The following CUL7 variants were observed in gnomAD, a reference collection of about 807,000 sequenced individuals.
CUL7 encodes the protein cullin-7.
In CUL7, 96 loss-of-function variants were observed where a neutral mutation model predicts 177.7. The observed-to-expected ratio is 0.54, with a 90% confidence interval of 0.46 to 0.64. The LOEUF is 0.64. Among genes scored for constraint, CUL7 ranks in the 30% least tolerant of loss-of-function variants. CUL7 has a pLI of 0.00. For synonymous variants in CUL7, 824 were observed against 890.2 expected, an observed-to-expected ratio of 0.93 and a Z score of 1.32; for missense variants, 1,893 against 2,187.9, an observed-to-expected ratio of 0.87 and a Z score of 2.69.
Position 43,040,813 on chromosome 6 carries a change from A to C in CUL7, c.3807-67T>G. ...CAGTGTGGCCCAGCCTCCCACTCCA[A>C]GGCTCCAGCCTGCCTCTATCCCAGA... On this transcript the variant is annotated intron_variant, in intron 20 of 25. Coordinates refer to ENST00000265348, the MANE Select transcript of CUL7 (RefSeq NM_014780.5). This position sits in a 1 kb window ranked among gnomAD's most constrained non-coding sequence, Gnocchi z 4.2. 1 of 1,604,144 alleles carries C rather than the reference A, an allele frequency of 6.2e-7. No homozygotes were observed. The highest frequency in any genetic ancestry group is 8.5e-7 in the Non-Finnish European group (1 of 1,171,784).
Position 43,053,717 on chromosome 6 carries a change from C to A in CUL7, c.-104G>T, listed in dbSNP as rs1279683400. 2.8e-6 allele frequency: 4 copies of A among 1,445,890 alleles called. No homozygotes were observed. In the South Asian group the frequency reaches 4.1e-5, roughly 15 times the overall value. The allele number at this position is 1,445,890 out of a possible 1,614,324, so 89.6% of individuals were successfully genotyped here. A position where few individuals can be genotyped will look rare whatever the true frequency, so the allele number is the denominator to read the frequency against. ...GCGGCGACTTGGGCCCCACCTGGGC[C>A]CCGCGAGGGGGTCGAGACGGAGAGA... On this transcript the variant is annotated 5_prime_UTR_variant, in exon 1 of 26. Coordinates refer to ENST00000265348, the MANE Select transcript of CUL7 (RefSeq NM_014780.5). The surrounding 1 kb of genome is among the most constrained non-coding windows in gnomAD (Gnocchi z 4.1).
rs1306556652 is a variant in CUL7 at position 43,040,175 on chromosome 6, G to GT, written c.4274dup (p.Tyr1425Ter). 2 of 1,614,038 alleles carry GT rather than the reference G, an allele frequency of 1.2e-6. No individual in the cohort carries two copies. Among genetic ancestry groups the GT allele is most frequent in the Non-Finnish European group, 1.7e-6 (2 of 1,180,036 alleles). ...GCTCACTCTTGTTGTAGAAGTTGGAGTATCTGTTCAAAGTGCCCCTCAGGT... is the reference window on the plus strand; with the variant it reads ...GCTCACTCTTGTTGTAGAAGTTGGAGTTATCTGTTCAAAGTGCCCCTCAGGT... ...PSYLRGTLNR[Y>*]SNFYNKSQSH... Residue 1425 changes from tyrosine (Y) to a stop codon, truncating the protein, a stop_gained and frameshift_variant, in exon 22 of 26, where the codon TAC becomes TAAC. Coordinates refer to ENST00000265348, the MANE Select transcript of CUL7 (RefSeq NM_014780.5). LOFTEE classifies it high-confidence loss of function. The surrounding 1 kb of genome is among the most constrained non-coding windows in gnomAD (Gnocchi z 4.2).
rs377313389 is a variant in CUL7 at position 43,038,372 on chromosome 6, G to A, written c.4668C>T (p.Asp1556=). ...PQTYLQAEGE[D]GQNLEKRRNL... ...TCCGTCTCTTCTCCAAGTTCTGGCCGTCTTCACCCTCAGCTTGCAGGTACG... is the reference window on the plus strand; with the variant it reads ...TCCGTCTCTTCTCCAAGTTCTGGCCATCTTCACCCTCAGCTTGCAGGTACG... Residue 1556 remains aspartate (D), a synonymous_variant, in exon 25 of 26, where the codon GAC becomes GAT. Transcript: ENST00000265348. 4.2e-5 allele frequency: 68 copies of A among 1,614,198 alleles called. No individual in the cohort carries two copies. Among genetic ancestry groups the A allele is most frequent in the Admixed American group, 6.7e-5 (4 of 60,030 alleles).
rs55890439 is a variant in CUL7 at position 43,053,495 on chromosome 6, G to A, written c.-9+127C>T. On this transcript the variant is annotated intron_variant, in intron 1 of 25. Transcript: ENST00000265348. This position sits in a 1 kb window ranked among gnomAD's most constrained non-coding sequence, Gnocchi z 4.1. ...GCGCGCGGTAAGGTGGGGGAGAGGG[G>A]ATTAGGCCCCATAAGCTAGAACCCC... 0.062 allele frequency: 37,306 copies of A among 605,108 alleles called. 1,672 individuals carry two copies. Among genetic ancestry groups the A allele is most frequent in the African/African-American group, 0.19 (9,658 of 51,050 alleles). 37.5% of individuals were successfully genotyped at this position (605,108 alleles called of 1,614,324 possible). A position where few individuals can be genotyped will look rare whatever the true frequency, so the allele number is the denominator to read the frequency against.
chr6:43,038,569 C>G lies in CUL7; in HGVS notation c.4564G>C (p.Gly1522Arg). The G allele has an allele frequency of 6.2e-7, 1 of 1,614,144 alleles. No individual in the cohort carries two copies. ...CCCTCTGGCCCTAAGTGCATACCTC[C>G]TGGTATATCCTTTTGCTCGTGAAGG... Reference protein sequence around the residue: ...LDLHEQKDIPGGVLKIRDGSK... With the variant: ...LDLHEQKDIPRGVLKIRDGSK... Residue 1522 changes from glycine to arginine, a missense_variant, in exon 24 of 26, where the codon GGA (glycine) becomes CGA (arginine). Gly to Arg is a moderately radical substitution (Grantham distance 125). Coordinates refer to ENST00000265348, the MANE Select transcript of CUL7 (RefSeq NM_014780.5).
In CUL7 at chr6:43,050,209, G is replaced by C. The variant is rs1396653051; in HGVS notation, c.1373-50C>G. ...AAGGATGTCACTAGCAACTCAGCAG[G>C]ACCACCATTCCTCTGCTCAGAGCTG... On this transcript the variant is annotated intron_variant, in intron 5 of 25. Coordinates refer to ENST00000265348, the MANE Select transcript of CUL7 (RefSeq NM_014780.5). This position sits in a 1 kb window ranked among gnomAD's most constrained non-coding sequence, Gnocchi z 4.1. 9.9e-6 allele frequency: 16 copies of C among 1,614,124 alleles called. No homozygotes were observed. The highest frequency in any genetic ancestry group is 1.4e-5 in the Non-Finnish European group (16 of 1,180,022).
Position 43,048,701 on chromosome 6 carries a change from A to G in CUL7, c.1826-132T>C. On this transcript the variant is annotated intron_variant, in intron 7 of 25. Coordinates refer to ENST00000265348, the MANE Select transcript of CUL7 (RefSeq NM_014780.5). ...TTTTAAATTTTTTAATCCCCCTAAA[A>G]GTTAGGTTTGGGGATCTAATCTCTG... is the stretch of plus-strand genomic sequence containing the variant. 3.0e-6 allele frequency: 2 copies of G among 673,028 alleles called. 1 individual carries two copies. Among genetic ancestry groups the G allele is most frequent in the South Asian group, 3.9e-5 (2 of 51,002 alleles). 41.7% of individuals were successfully genotyped at this position (673,028 alleles called of 1,614,324 possible).
Position 43,053,513 on chromosome 6 carries a change from A to C in CUL7, c.-9+109T>G, listed in dbSNP as rs888791012. On this transcript the variant is annotated intron_variant, in intron 1 of 25. Transcript: ENST00000265348. This position sits in a 1 kb window ranked among gnomAD's most constrained non-coding sequence, Gnocchi z 4.1. ...GAGAGGGGATTAGGCCCCATAAGCTAGAACCCCGAGGCACGGTAGGATGGG... is the reference window on the plus strand; with the variant it reads ...GAGAGGGGATTAGGCCCCATAAGCTCGAACCCCGAGGCACGGTAGGATGGG... 5.4e-6 allele frequency: 4 copies of C among 744,552 alleles called. No homozygotes were observed. The highest frequency in any genetic ancestry group is 7.6e-5 in the Admixed American group (2 of 26,448). 46.1% of individuals were successfully genotyped at this position (744,552 alleles called of 1,614,324 possible).
intron 19 of CUL7, among the ~76,000 whole-genome samples, chr6:43,041,961 G>A (rs1289785891): frequency 7.1e-6 from 1 of 141,466 alleles, no homozygotes; most frequent in Non-Finnish European, 1.5e-5. Flanking sequence ...CTGAGATCGA[G>A]CCACTGCACT....
Position 43,044,818 on chromosome 6 carries a change from G to A in CUL7, c.3106C>T (p.Gln1036Ter), listed in dbSNP as rs770334495. The change falls in exon 16 of 26, where the codon CAA becomes TAA. Residue 1036 changes from glutamine to a stop codon, truncating the protein, a stop_gained. Transcript: ENST00000265348. LOFTEE classifies it high-confidence loss of function. The stretch of plus-strand genomic sequence containing the variant: ...TCCCAGCAGGTCTTGCCCAGAGCTT[G>A]GGCAGCCTCGTCATCAGGGAGGAAG... ...DRFLPDDEAA[Q>*]ALGKTCWEAL... 2.5e-6 allele frequency: 4 copies of A among 1,613,996 alleles called. No homozygotes were observed. The Admixed American group carries it at 5.0e-5, about 20-fold the overall frequency.
chr6:43,045,662 G>A lies in CUL7; in HGVS notation c.2787C>T (p.Ala929=). ...GGTTCTCCAGGAGGATCACCCGGCT[G>A]GCAGAGGGCATCACATTCACCTGGC... The part of the protein sequence containing the change: ...ELNSVNVMPS[A]SRVILLENLT... Residue 929 remains alanine, a synonymous_variant, in exon 14 of 26, where the codon GCC becomes GCT. Coordinates refer to ENST00000265348, the MANE Select transcript of CUL7 (RefSeq NM_014780.5). This position sits in a 1 kb window ranked among gnomAD's most constrained non-coding sequence, Gnocchi z 4.8. 1.2e-6 allele frequency: 2 copies of A among 1,614,204 alleles called. No homozygotes were observed. Among genetic ancestry groups the A allele is most frequent in the Non-Finnish European group, 1.7e-6 (2 of 1,180,036 alleles).
Position 43,052,612 on chromosome 6 carries a change from G to A in CUL7, c.177C>T (p.Asp59=), listed in dbSNP as rs1764516304. ...DEGDGGSGQV[D]CKAEHILLWM... is the part of the protein sequence containing the mutation. The stretch of plus-strand genomic sequence containing the variant: ...ACAGCAGGATGTGCTCAGCCTTGCA[G>A]TCCACTTGGCCAGAGCCCCCGTCCC... Residue 59 remains aspartate (D), a synonymous_variant, in exon 2 of 26, where the codon GAC becomes GAT. Coordinates refer to ENST00000265348, the MANE Select transcript of CUL7 (RefSeq NM_014780.5). The surrounding 1 kb of genome is among the most constrained non-coding windows in gnomAD (Gnocchi z 4.5). 2 of 1,614,112 alleles carry A rather than the reference G, an allele frequency of 1.2e-6. No homozygotes were observed. Among genetic ancestry groups the A allele is most frequent in the South Asian group, 2.2e-5 (2 of 91,094 alleles).
chr6:43,044,684 GC>G, intron 16 of CUL7, 67 bp downstream of exon 16: 2 of 1,568,578 alleles, frequency 1.3e-6, no homozygotes, highest in Non-Finnish European at 1.7e-6. Flanking sequence ...CTAGGGTAGA[GC>G]AAGAAGGAAC....
chr6:43,047,240 C>T (rs940009459), intron 9 of CUL7, 133 bp from the exon 10 acceptor site: 14 of 672,782 alleles, frequency 2.1e-5, no homozygotes, highest in Middle Eastern at 7.9e-4. Flanking sequence ...GGCAGAGTGA[C>T]GAAGTGAAAA....
chr6:43,050,829 A>T lies in CUL7; in HGVS notation c.1233+139T>A. ...TCTCAGAATGGCCCCCCTCTCAACT[A>T]CTGACTCTTTTCACCATTCCAATCT... On this transcript the variant is annotated intron_variant, in intron 4 of 25. Coordinates refer to ENST00000265348, the MANE Select transcript of CUL7 (RefSeq NM_014780.5). The surrounding 1 kb of genome is among the most constrained non-coding windows in gnomAD (Gnocchi z 4.1). The T allele has an allele frequency of 1.8e-6, 2 of 1,131,294 alleles. No homozygotes were observed. The highest frequency in any genetic ancestry group is 2.5e-6 in the Non-Finnish European group (2 of 784,846). The allele number at this position is 1,131,294 out of a possible 1,614,324, so 70.1% of individuals were successfully genotyped here.
chr6:43,053,576 T>G lies in CUL7; in HGVS notation c.-9+46A>C. The G allele has an allele frequency of 3.2e-6, 4 of 1,253,068 alleles. No homozygotes were observed. The highest frequency in any genetic ancestry group is 3.1e-6 in the Non-Finnish European group (3 of 970,902). The allele number at this position is 1,253,068 out of a possible 1,614,324, so 77.6% of individuals were successfully genotyped here. On this transcript the variant is annotated intron_variant, in intron 1 of 25. Coordinates refer to ENST00000265348, the MANE Select transcript of CUL7 (RefSeq NM_014780.5). The surrounding 1 kb of genome is among the most constrained non-coding windows in gnomAD (Gnocchi z 4.1). ...GTGAGCGCGAGGCTCGATGGGCTAG[T>G]GGGCAGGGAAGGAGAAGCAAGGGGC...
rs1763121359 is a variant in CUL7 at position 43,038,273 on chromosome 6, G to C, written c.4767C>G (p.Val1589=). ...TGTGCCCACCCCTGCCTACCAGACA[G>C]ACAAGCTGGTCAATGTGCAGCCCCT... ...GDEGLHIDQL[V]CLVLEAWQKG... Residue 1589 remains valine, a synonymous_variant, in exon 25 of 26, where the codon GTC becomes GTG. Coordinates refer to ENST00000265348, the MANE Select transcript of CUL7 (RefSeq NM_014780.5). 1.9e-6 allele frequency: 3 copies of C among 1,614,154 alleles called. No homozygotes were observed. Among genetic ancestry groups the C allele is most frequent in the Non-Finnish European group, 2.5e-6 (3 of 1,180,018 alleles).
Position 43,051,251 on chromosome 6 carries a change from G to A in CUL7, c.950C>T (p.Ser317Leu). The change falls in exon 4 of 26, where the codon TCA becomes TTA. Residue 317 changes from serine (S) to leucine (L), a missense_variant. Coordinates refer to ENST00000265348, the MANE Select transcript of CUL7 (RefSeq NM_014780.5). This position sits in a 1 kb window ranked among gnomAD's most constrained non-coding sequence, Gnocchi z 5.0. ...LVQAMRWDQA[S>L]DRPRSSARSP... ...CCGTGCTGAGCTCCTTGGTCTGTCT[G>A]AGGCCTGGTCCCAGCGCATGGCTTG... is the stretch of plus-strand genomic sequence containing the variant. The A allele has an allele frequency of 1.9e-6, 3 of 1,613,728 alleles. No individual in the cohort carries two copies. Among genetic ancestry groups the A allele is most frequent in the Non-Finnish European group, 2.5e-6 (3 of 1,179,700 alleles).
chr6:43,048,047 G>A lies in CUL7; in HGVS notation c.2169+101C>T, dbSNP rs558497063. On this transcript the variant is annotated intron_variant, in intron 9 of 25. Coordinates refer to ENST00000265348, the MANE Select transcript of CUL7 (RefSeq NM_014780.5). ...GCAAAACTCAAACCAAGAGCTCAAA[G>A]GCTCTATCACGCCCTCCAGAGCCTT... 2.4e-4 allele frequency: 175 copies of A among 717,710 alleles called. No individual in the cohort carries two copies. The African/African-American group carries it at 2.7e-3, about 11-fold the overall frequency. 44.5% of individuals were successfully genotyped at this position (717,710 alleles called of 1,614,324 possible). A position where few individuals can be genotyped will look rare whatever the true frequency, so the allele number is the denominator to read the frequency against.
Sources: allele counts gnomAD v4.1 joint callset (sites outside exome capture counted in the v4.1 genomes callset), GRCh38; gene constraint gnomAD v4.1.1; non-coding constraint Gnocchi (gnomAD v3.1); transcripts MANE v1.5; gene names NCBI Gene and HGNC (gene_info 2026-07-23, HGNC 2026-07-21).